ERO1A: variants seen among roughly 807,000 people sequenced by gnomAD.
ERO1A encodes the protein endoplasmic reticulum oxidoreductase 1 alpha.
A neutral mutation model predicts 76.9 loss-of-function variants in ERO1A; 49 were observed. The observed-to-expected ratio is 0.64, with a 90% CI of 0.51 to 0.81. ERO1A has a LOEUF of 0.81. Ranked by LOEUF, ERO1A falls within the 30% of genes least tolerant of loss-of-function variation. The pLI is 0.00. For missense variants in ERO1A, 448 were observed against 542.1 expected (o/e 0.83, Z 1.72); for synonymous variants, 174 against 181.2 (o/e 0.96, Z 0.32).
intron 1 of ERO1A, among the ~76,000 whole-genome samples, chr14:52,690,010 C>G (rs921520565): frequency 1.3e-5 from 2 of 151,994 alleles, no homozygotes; most frequent in African/African-American, 2.4e-5. Context: ...TGACCAAGAC[C>G]AAACAATGGG....
intron 9 of ERO1A, among the ~76,000 whole-genome samples, chr14:52,660,619 C>T (rs2040200707): frequency 6.6e-6 from 1 of 152,110 alleles, no homozygotes; most frequent in South Asian, 2.1e-4. Flanking sequence ...GTTATTTAGA[C>T]ATAATGCAAA....
intron 7 of ERO1A, among the ~76,000 whole-genome samples, chr14:52,665,798 AC>A (rs2040393661): frequency 6.6e-6 from 1 of 152,112 alleles, no homozygotes; most frequent in African/African-American, 2.4e-5. Flanking sequence ...AAATCATTTA[AC>A]CTCTCTAAGT....
rs1274652913 is a variant in ERO1A at position 52,653,019 on chromosome 14, C to CATTAATTG, written c.1055+42_1055+49dup. ...CAAAAAAAAAAAAATTTATCTTGTA[C>CATTAATTG]ATTAATTGTCACTCTTCTATTAATG... is the stretch of plus-strand genomic sequence containing the variant. On this transcript the variant is annotated intron_variant, in intron 12 of 15. Transcript: ENST00000395686. 4.6e-6 allele frequency: 6 copies of CATTAATTG among 1,317,958 alleles called. No individual in the cohort carries two copies. The Admixed American group carries it at 1.3e-4, about 29-fold the overall frequency. The allele number at this position is 1,317,958 out of a possible 1,614,324, so 81.6% of individuals were successfully genotyped here.
intron 1 of ERO1A, among the ~76,000 whole-genome samples, chr14:52,687,788 G>A (rs1043656775): frequency 6.6e-6 from 1 of 152,174 alleles, no homozygotes; most frequent in South Asian, 2.1e-4. Context: ...GATAGCTTTT[G>A]GTAGAGGGCC....
Position 52,672,040 on chromosome 14 carries a change from C to T in ERO1A, c.358-169G>A, listed in dbSNP as rs2040616842. 5 of 539,730 alleles carry T rather than the reference C, an allele frequency of 9.3e-6. No homozygotes were observed. The East Asian group carries it at 1.7e-4, about 18-fold the overall frequency. 33.4% of individuals were successfully genotyped at this position (539,730 alleles called of 1,614,324 possible). A position where few individuals can be genotyped will look rare whatever the true frequency, so the allele number is the denominator to read the frequency against. On this transcript the variant is annotated intron_variant, in intron 4 of 15. Coordinates refer to ENST00000395686, the MANE Select transcript of ERO1A (RefSeq NM_014584.3). ...CATAATCAGGCCAGGTACGGTGGCT[C>T]ACGCCTATAATCCCGGCACTGTGGG...
intron 11 of ERO1A, among the ~76,000 whole-genome samples, chr14:52,653,602 T>C (rs1444702069): frequency 6.6e-6 from 1 of 151,928 alleles, no homozygotes. Context: ...TCTGCTTATA[T>C]TGATGCCATA....
At chr14:52,649,837 C>CA (rs1460288609) in intron 13 of ERO1A, among the ~76,000 whole-genome samples, 5 of 151,896 alleles carry the variant, frequency 3.3e-5, no homozygotes, top group East Asian at 1.9e-4. Context: ...TATCTAACAG[C>CA]AAAAAAACTG....
intron 6 of ERO1A, 71 bp downstream of exon 6, chr14:52,671,559 A>T: frequency 9.0e-7 from 1 of 1,111,118 alleles, no homozygotes; most frequent in Non-Finnish European, 1.3e-6. Flanking sequence ...TGCCCAGATT[A>T]AAATAATTAA....
intron 15 of ERO1A, 80 bp downstream of exon 15, chr14:52,646,074 T>C (rs1479448105): frequency 1.1e-5 from 16 of 1,431,096 alleles, no homozygotes; most frequent in Non-Finnish European, 1.5e-5. Context: ...GGATATTCCT[T>C]ACCCAGTTTT....
chr14:52,658,464 G>A, intron 9 of ERO1A: 1 of 225,022 alleles, frequency 4.4e-6, no homozygotes. Context: ...AGTCAAGAAT[G>A]GGAAAATACC....
Position 52,666,377 on chromosome 14 carries a change from A to G in ERO1A, c.627T>C (p.Phe209=). The change falls in exon 7 of 16, where the codon TTT becomes TTC. Residue 209 remains phenylalanine, a splice_region_variant and synonymous_variant. Coordinates refer to ENST00000395686, the MANE Select transcript of ERO1A (RefSeq NM_014584.3). ...IWNVIYEENC[F]KPQTIKRPLN... Reference sequence around the variant, plus strand: ...TTCTAAATGAAAATGACACATACTTAAAACAGTTTTCTTCGTAGATGACAT... The same window carrying G: ...TTCTAAATGAAAATGACACATACTTGAAACAGTTTTCTTCGTAGATGACAT... 1.3e-6 allele frequency: 2 copies of G among 1,599,602 alleles called. No homozygotes were observed. The highest frequency in any genetic ancestry group is 4.5e-5 in the East Asian group (2 of 44,662).
intron 4 of ERO1A, among the ~76,000 whole-genome samples, chr14:52,677,383 G>A (rs1210733666): frequency 6.6e-6 from 1 of 152,068 alleles, no homozygotes; most frequent in Non-Finnish European, 1.5e-5. Flanking sequence ...ATCTGAATCT[G>A]ATAAATCCCC....
intron 8 of ERO1A, 49 bp from the exon 9 acceptor site, chr14:52,661,353 C>A: frequency 7.2e-7 from 1 of 1,398,048 alleles, no homozygotes; most frequent in Non-Finnish European, 9.5e-7. Context: ...TTCCAGTGCC[C>A]CTTTTATAAT....
chr14:52,650,559 T>C (rs1171192377), intron 13 of ERO1A, among the ~76,000 whole-genome samples: 1 of 151,980 alleles, frequency 6.6e-6, no homozygotes, highest in African/African-American at 2.4e-5. Context: ...TGATTTCATA[T>C]GTACATATAT....
intron 2 of ERO1A, among the ~76,000 whole-genome samples, chr14:52,682,685 G>C (rs1453574334): frequency 6.6e-6 from 1 of 152,122 alleles, no homozygotes; most frequent in Non-Finnish European, 1.5e-5. Flanking sequence ...GATCACCTGA[G>C]GTCAGGAGTT....
chr14:52,661,772 A>G lies in ERO1A; in HGVS notation c.677-468T>C, dbSNP rs142205618. 3.0e-4 allele frequency among the ~76,000 whole-genome samples: 45 copies of G among 152,202 alleles called. No homozygotes were observed. In the East Asian group the frequency reaches 7.9e-3, roughly 27 times the overall value. The stretch of plus-strand genomic sequence containing the variant: ...TTAGTCGGGAATATTTTCATAGACT[A>G]TTTATAAGATTCAAATTATACATAA... On this transcript the variant is annotated intron_variant, in intron 8 of 15. Coordinates refer to ENST00000395686, the MANE Select transcript of ERO1A (RefSeq NM_014584.3).
chr14:52,670,648 C>A (rs1243439541), intron 6 of ERO1A, among the ~76,000 whole-genome samples: 1 of 152,166 alleles, frequency 6.6e-6, no homozygotes, highest in African/African-American at 2.4e-5. Flanking sequence ...TTCACTTCTC[C>A]AAAAGCAACA....
At chr14:52,690,575 C>A (rs1248526097) in intron 1 of ERO1A, among the ~76,000 whole-genome samples, 1 of 152,000 alleles carries the variant, frequency 6.6e-6, no homozygotes. Flanking sequence ...GTGGCGGGTG[C>A]CTGTAGTCCC....
At chr14:52,666,236 T>G (rs1352105548) in intron 7 of ERO1A, 139 bp downstream of exon 7, 1 of 670,818 alleles carries the variant, frequency 1.5e-6, no homozygotes, top group Admixed American at 3.3e-5. Context: ...ACTGGATTAA[T>G]GAATAGTCAT....
Sources: allele counts gnomAD v4.1 joint callset (sites outside exome capture counted in the v4.1 genomes callset), GRCh38; gene constraint gnomAD v4.1.1; transcripts MANE v1.5; gene names NCBI Gene and HGNC (gene_info 2026-07-23, HGNC 2026-07-21).